SLIT1: variants seen among roughly 807,000 people sequenced by gnomAD.
The protein encoded by SLIT1 is slit guidance ligand 1, also known as slit homolog 1 protein.
SLIT1 carries 66 observed loss-of-function variants against 186.1 expected under a neutral mutation model. The observed-to-expected ratio is 0.35, with a 90% confidence interval of 0.29 to 0.44. The LOEUF (loss-of-function observed/expected upper bound fraction) is 0.44, where lower values mean the gene tolerates loss of function less well. Among genes scored for constraint, SLIT1 ranks in the 20% least tolerant of loss-of-function variants. The pLI is 1.00. For synonymous variants in SLIT1, 761 were observed against 833.8 expected, an observed-to-expected ratio of 0.91 and a Z score of 1.50; for missense variants, 1,638 against 2,037.4, an observed-to-expected ratio of 0.80 and a Z score of 3.77.
rs1382959058 is a variant in SLIT1, at chr10:97,057,977, A to G, written c.1086-696T>C. The G allele has an allele frequency of 5.6e-6, 4 of 717,494 alleles. No homozygotes were observed. The East Asian group carries it at 8.0e-5, about 14-fold the overall frequency. 44.4% of individuals were successfully genotyped at this position (717,494 alleles called of 1,614,324 possible). On this transcript the variant is annotated intron_variant, in intron 11 of 36. Transcript: ENST00000266058. ...CGTAAACGTTCAAGCTGAGTAAAAA[A>G]TCCTGGGTACTTCCTCTTCAAACAT...
chr10:97,166,644 G>C (rs199990781), intron 1 of SLIT1, among the ~76,000 whole-genome samples: 2 of 39,752 alleles, frequency 5.0e-5, no homozygotes, highest in African/African-American at 1.8e-4. Context: ...AGAAAAGAAA[G>C]GAAAGGAAAA....
chr10:97,115,333 T>C (rs913648842), intron 4 of SLIT1, among the ~76,000 whole-genome samples: 9 of 152,272 alleles, frequency 5.9e-5, no homozygotes, highest in African/African-American at 1.9e-4. Context: ...CTGGTACTTA[T>C]CCTGCTTCTT....
chr10:97,185,442 C>CGGAGCCAG, intron 1 of SLIT1, 36 bp downstream of exon 1: 1 of 1,595,630 alleles, frequency 6.3e-7, no homozygotes, highest in Non-Finnish European at 8.5e-7. Context: ...AGGGCAACCT[C>CGGAGCCAG]GGAGCCAGGG....
At chr10:97,050,677 T>A (rs1472338675) in intron 13 of SLIT1, among the ~76,000 whole-genome samples, 5 of 152,216 alleles carry the variant, frequency 3.3e-5, no homozygotes, top group Admixed American at 3.3e-4. Flanking sequence ...CAGCTGCCCA[T>A]CCACATCTGG....
At position 97,047,757 on chromosome 10, in the gene SLIT1, C is replaced by T. The variant is rs1279279507; in HGVS notation, c.1567G>A (p.Val523Met). The T allele has an allele frequency of 1.2e-5, 19 of 1,614,098 alleles. No individual in the cohort carries two copies. Among genetic ancestry groups the T allele is most frequent in the Non-Finnish European group, 1.5e-5 (18 of 1,180,032 alleles). ...CPHKCRCEAN[V>M]VECSSLKLTK... is the part of the protein sequence containing the mutation. Reference sequence around the variant, plus strand: ...AGCTTCAGGCTGGAGCACTCCACCACGTTGGCCTCACAGCGGCACTTGTGG... The same window carrying T: ...AGCTTCAGGCTGGAGCACTCCACCATGTTGGCCTCACAGCGGCACTTGTGG... The change falls in exon 16 of 37, where the codon GTG (valine) becomes ATG (methionine). Residue 523 changes from valine (V) to methionine (M), a missense_variant. Val to Met is a conservative substitution (Grantham distance 21). Around this residue, in one of 3 missense-constraint regions of SLIT1, gnomAD observed 1,245 missense variants for 1,535.3 expected, o/e 0.81. Transcript: ENST00000266058.
intron 2 of SLIT1, among the ~76,000 whole-genome samples, chr10:97,163,668 G>A (rs1850062860): frequency 6.6e-6 from 1 of 152,198 alleles, no homozygotes; most frequent in Non-Finnish European, 1.5e-5. Context: ...GGCTCCTCAG[G>A]GCTCCCAGCA....
At chr10:97,060,846 C>T in intron 8 of SLIT1, 59 bp from the exon 9 acceptor site, 1 of 1,492,870 alleles carries the variant, frequency 6.7e-7, no homozygotes, top group South Asian at 1.3e-5. Flanking sequence ...CCCTTGAGCC[C>T]AGATACCGAC....
intron 30 of SLIT1, 72 bp from the exon 31 acceptor site, chr10:97,011,202 G>C: frequency 9.4e-7 from 1 of 1,062,270 alleles, no homozygotes; most frequent in South Asian, 1.3e-5. Context: ...GAGCGCACCA[G>C]GGATCCCCCA....
Position 97,068,391 on chromosome 10 carries a change from G to C in SLIT1, c.414-2305C>G, listed in dbSNP as rs1873377. Among the ~76,000 whole-genome samples the C allele has an allele frequency of 0.039, 5,950 of 152,222 alleles. 141 individuals are homozygous for C. Among genetic ancestry groups the C allele is most frequent in the South Asian group, 0.1 (492 of 4,824 alleles). ...AAGCAATTGCCTTCCCGTCCCCACA[G>C]AGTGGGCACCAACATCTATGTGCTC... On this transcript the variant is annotated intron_variant, in intron 4 of 36. Coordinates refer to ENST00000266058, the MANE Select transcript of SLIT1 (RefSeq NM_003061.3). This position sits in a 1 kb window ranked among gnomAD's most constrained non-coding sequence, Gnocchi z 4.2.
At chr10:97,084,691 C>T (rs1849139341) in intron 4 of SLIT1, among the ~76,000 whole-genome samples, 1 of 151,948 alleles carries the variant, frequency 6.6e-6, no homozygotes, top group Non-Finnish European at 1.5e-5. Context: ...CTGCAATCTC[C>T]ACCTCCTGAG....
intron 4 of SLIT1, among the ~76,000 whole-genome samples, chr10:97,084,464 C>T (rs775841695): frequency 3.9e-5 from 6 of 152,222 alleles, no homozygotes; most frequent in Admixed American, 1.3e-4. Context: ...TGGGCTTTAC[C>T]TCTGGGAGCC....
chr10:97,044,307 G>A (rs1848716697), intron 18 of SLIT1, among the ~76,000 whole-genome samples: 1 of 152,114 alleles, frequency 6.6e-6, no homozygotes, highest in Non-Finnish European at 1.5e-5. Context: ...GAGGTGGGAG[G>A]ATCTCTTGAG....
intron 13 of SLIT1, among the ~76,000 whole-genome samples, chr10:97,050,601 C>T (rs1479364346): frequency 1.3e-5 from 2 of 152,180 alleles, no homozygotes; most frequent in Admixed American, 6.5e-5. Context: ...TGCTGATATC[C>T]TGGGGGCAGA....
At chr10:97,008,210 CA>C (rs1848378426) in intron 31 of SLIT1, among the ~76,000 whole-genome samples, 1 of 151,936 alleles carries the variant, frequency 6.6e-6, no homozygotes, top group Non-Finnish European at 1.5e-5. Flanking sequence ...GCACAAAAAT[CA>C]AACAAAAAAT....
chr10:97,073,478 G>A (rs749011465), intron 4 of SLIT1, among the ~76,000 whole-genome samples: 16 of 152,190 alleles, frequency 1.1e-4, no homozygotes, highest in Non-Finnish European at 2.2e-4. Flanking sequence ...GTCCCAGCCC[G>A]GGGAAGCGGA....
chr10:97,028,564 ATTCCC>A (rs1221900671), intron 25 of SLIT1, among the ~76,000 whole-genome samples: 1 of 152,144 alleles, frequency 6.6e-6, no homozygotes, highest in African/African-American at 2.4e-5. Flanking sequence ...TCTTCCTAGA[ATTCCC>A]TTCCTCACTT....
At chr10:97,134,691 G>A (rs1460744997) in intron 4 of SLIT1, among the ~76,000 whole-genome samples, 2 of 152,236 alleles carry the variant, frequency 1.3e-5, no homozygotes, top group Non-Finnish European at 2.9e-5. Context: ...TTCCCCCAGA[G>A]CTGATTCAAG....
intron 4 of SLIT1, among the ~76,000 whole-genome samples, chr10:97,152,825 A>G (rs1426965290): frequency 6.6e-6 from 1 of 152,190 alleles, no homozygotes; most frequent in Non-Finnish European, 1.5e-5. Context: ...TCATATTGTC[A>G]ATGCAGTTTG....
chr10:97,118,646 C>A (rs1849530463), intron 4 of SLIT1, among the ~76,000 whole-genome samples: 1 of 152,214 alleles, frequency 6.6e-6, no homozygotes. Context: ...GGAAACATGG[C>A]TCATCTTTCC....
Sources: allele counts gnomAD v4.1 joint callset (sites outside exome capture counted in the v4.1 genomes callset), GRCh38; gene constraint gnomAD v4.1.1; regional missense constraint gnomAD v4.1.1; non-coding constraint Gnocchi (gnomAD v3.1); transcripts MANE v1.5; gene names NCBI Gene and HGNC (gene_info 2026-07-23, HGNC 2026-07-21).